Variants in TRHDE observed in about 807,000 individuals in gnomAD.
TRHDE encodes the protein thyrotropin-releasing hormone-degrading ectoenzyme.
In TRHDE, 72 loss-of-function variants were observed where a neutral mutation model predicts 125.7. The observed-to-expected ratio is 0.57, with a 90% confidence interval of 0.47 to 0.70. The LOEUF (loss-of-function observed/expected upper bound fraction) is 0.70. TRHDE is among the 30% of genes least tolerant of loss of function. The probability of loss-of-function intolerance (pLI) is 0.00; values close to 1 mark genes in which losing one functional copy is unlikely to be tolerated. For missense variants in TRHDE, 1,110 were observed against 1,327.1 expected, an observed-to-expected ratio of 0.84 and a Z score of 2.54; for synonymous variants, 509 against 509.1, an observed-to-expected ratio of 1.00 and a Z score of 0.00.
Position 72,286,931 on chromosome 12 carries a change from A to G in TRHDE, c.1165A>G (p.Thr389Ala). ...AATTTGCAACTTCACATACAGAGAA[A>G]CTACCACCAAGAGTGGGGTTGTAGT... ...WAICNFTYRE[T>A]TTKSGVVVRL... is the part of the protein sequence containing the mutation. Residue 389 changes from threonine (T) to alanine (A), a missense_variant, in exon 2 of 19, where the codon ACT (threonine) becomes GCT (alanine). Physicochemically the swap from Thr to Ala is moderately conservative, Grantham distance 58. Transcript: ENST00000261180. 3 of 1,613,970 alleles carry G rather than the reference A, an allele frequency of 1.9e-6. No individual in the cohort carries two copies. The highest frequency in any genetic ancestry group is 2.5e-6 in the Non-Finnish European group (3 of 1,179,956).
chr12:72,150,763 G>A (rs550779249), intron 2 of TRHDE, among the ~76,000 whole-genome samples: 1 of 151,980 alleles, frequency 6.6e-6, no homozygotes, highest in Non-Finnish European at 1.5e-5. Context: ...ATTCCATGGT[G>A]TATATGTGCC....
chr12:72,499,314 G>A (rs902135740), intron 5 of TRHDE, among the ~76,000 whole-genome samples, 184 bp from the exon 6 acceptor site: 1 of 152,130 alleles, frequency 6.6e-6, no homozygotes, highest in Non-Finnish European at 1.5e-5. Flanking sequence ...GTGTGCTTAA[G>A]TCAACCACCT....
intron 2 of TRHDE, among the ~76,000 whole-genome samples, chr12:72,322,685 G>A (rs927214516): frequency 3.3e-5 from 5 of 152,104 alleles, no homozygotes; most frequent in African/African-American, 9.7e-5. Context: ...GGTACCAGGT[G>A]TTTTATGAAA....
At chr12:72,282,974 C>T (rs2139422757) in intron 1 of TRHDE, among the ~76,000 whole-genome samples, 1 of 152,290 alleles carries the variant, frequency 6.6e-6, no homozygotes, top group South Asian at 2.1e-4. Context: ...ACAGTCCCCA[C>T]AACAAATAAT....
At position 72,562,001 on chromosome 12, in the gene TRHDE, A is replaced by G. The variant is rs182715829; in HGVS notation, c.1789-164A>G. The stretch of plus-strand genomic sequence containing the variant: ...ACGACTTAATTAGGAAATATTCTAT[A>G]GTTAAATCTCTTTGGAATATTTTTA... On this transcript the variant is annotated intron_variant, in intron 7 of 18. Coordinates refer to ENST00000261180, the MANE Select transcript of TRHDE (RefSeq NM_013381.3). 9.5e-4 allele frequency among the ~76,000 whole-genome samples: 145 copies of G among 152,234 alleles called. 1 individual carries two copies. Among genetic ancestry groups the G allele is most frequent in the African/African-American group, 3.3e-3 (136 of 41,582 alleles).
At chr12:72,494,087 T>C (rs963118989) in intron 5 of TRHDE, among the ~76,000 whole-genome samples, 1 of 152,044 alleles carries the variant, frequency 6.6e-6, no homozygotes, top group African/African-American at 2.4e-5. Context: ...TAAAAAATAT[T>C]TGTAGAACTA....
At chr12:72,593,192 G>GT (rs1313104869) in intron 12 of TRHDE, among the ~76,000 whole-genome samples, 7 of 152,204 alleles carry the variant, frequency 4.6e-5, no homozygotes, top group African/African-American at 1.7e-4. Context: ...GTTTCCACAT[G>GT]TTTTTTGCTG....
intron 3 of TRHDE, among the ~76,000 whole-genome samples, chr12:72,463,578 G>A (rs1876227714): frequency 6.6e-6 from 1 of 152,182 alleles, no homozygotes; most frequent in African/African-American, 2.4e-5. Flanking sequence ...CACACTTAGA[G>A]TGTGGAGTGT....
rs35613758 is a variant in TRHDE, at chr12:72,205,332, G to GTTTT, written n.279+99591_279+99594dup. ...CCTTCCCTTCGTGTACCAAAGCACT[G>GTTTT]TTTTTTTTTTTTTTGAGAAAATGTT... On this transcript the variant is annotated intron_variant and non_coding_transcript_variant, in intron 2 of 4. Coordinates refer to the TRHDE transcript ENST00000548156. Among the ~76,000 whole-genome samples, 83 of 138,722 alleles carry GTTTT rather than the reference G, an allele frequency of 6.0e-4. 1 individual carries two copies. The East Asian group carries it at 0.016, about 27-fold the overall frequency. 91.0% of individuals were successfully genotyped at this position (138,722 alleles called of 152,430 possible).
chr12:72,574,982 GA>G (rs1348268228), intron 10 of TRHDE, among the ~76,000 whole-genome samples: 2 of 152,066 alleles, frequency 1.3e-5, no homozygotes, highest in African/African-American at 4.8e-5. Flanking sequence ...GTTACTTTGA[GA>G]AAGAAAATTA....
At position 72,459,161 on chromosome 12, in the gene TRHDE, C is replaced by T. The variant is rs147970021; in HGVS notation, c.1316-10597C>T. Among the ~76,000 whole-genome samples the T allele has an allele frequency of 2.6e-4, 40 of 152,260 alleles. No individual in the cohort carries two copies. The East Asian group carries it at 7.1e-3, about 27-fold the overall frequency. On this transcript the variant is annotated intron_variant, in intron 3 of 18. Coordinates refer to ENST00000261180, the MANE Select transcript of TRHDE (RefSeq NM_013381.3). ...GCAATGCCTGGTAGAATCTTTCTAA[C>T]ATTTCCTCAATCTGACACTGACTCT...
chr12:72,435,787 T>C (rs1343805125), intron 3 of TRHDE, among the ~76,000 whole-genome samples: 4 of 151,934 alleles, frequency 2.6e-5, no homozygotes, highest in African/African-American at 4.8e-5. Flanking sequence ...AAGAAACATA[T>C]AATTTTGAAC....
intron 2 of TRHDE, among the ~76,000 whole-genome samples, chr12:72,196,832 T>C (rs554469343): frequency 1.1e-4 from 16 of 152,210 alleles, no homozygotes; most frequent in African/African-American, 3.9e-4. Flanking sequence ...TTGTATCATA[T>C]TTATGATGAT....
At chr12:72,294,013 C>T (rs960617220) in intron 2 of TRHDE, among the ~76,000 whole-genome samples, 3 of 152,088 alleles carry the variant, frequency 2.0e-5, no homozygotes, top group Admixed American at 6.5e-5. Flanking sequence ...GCACCACAAG[C>T]GGCTTTCATG....
intron 2 of TRHDE, among the ~76,000 whole-genome samples, chr12:72,235,237 T>G (rs1878317992): frequency 1.3e-5 from 2 of 152,196 alleles, no homozygotes; most frequent in Non-Finnish European, 1.5e-5. Context: ...AGTTATGGGT[T>G]AATGAGGTTT....
chr12:72,433,250 A>G (rs1318648785), intron 3 of TRHDE, among the ~76,000 whole-genome samples: 1 of 152,150 alleles, frequency 6.6e-6, no homozygotes, highest in African/African-American at 2.4e-5. Context: ...ATGTTGATCT[A>G]TACATTTCCT....
intron 3 of TRHDE, among the ~76,000 whole-genome samples, chr12:72,422,779 A>T (rs185625120): frequency 6.6e-6 from 1 of 152,104 alleles, no homozygotes; most frequent in Admixed American, 6.6e-5. Context: ...CCTGAATGTG[A>T]CCATGTTTTT....
intron 4 of TRHDE, among the ~76,000 whole-genome samples, chr12:72,472,650 C>T (rs1444587091): frequency 6.6e-6 from 1 of 152,160 alleles, no homozygotes; most frequent in Non-Finnish European, 1.5e-5. Flanking sequence ...AGAGGGTTTT[C>T]TGCGTTTTCA....
chr12:72,094,227 T>C (rs1337445369), intron 1 of TRHDE, among the ~76,000 whole-genome samples: 3 of 152,104 alleles, frequency 2.0e-5, no homozygotes, highest in Non-Finnish European at 2.9e-5. Context: ...GCACTGACAA[T>C]GTAGCTTTCT....
Sources: allele counts gnomAD v4.1 joint callset (sites outside exome capture counted in the v4.1 genomes callset), GRCh38; gene constraint gnomAD v4.1.1; transcripts MANE v1.5; gene names NCBI Gene and HGNC (gene_info 2026-07-23, HGNC 2026-07-21).